The following KCNQ1 variants were observed in gnomAD, a reference collection of about 807,000 sequenced individuals.
KCNQ1 encodes potassium voltage-gated channel subfamily KQT member 1.
In KCNQ1, 49 loss-of-function variants were observed where a neutral mutation model predicts 72.4. The ratio of observed to expected loss-of-function variants is 0.68; its 90% CI spans 0.54 to 0.86. The LOEUF (loss-of-function observed/expected upper bound fraction) is 0.86. Ranked by LOEUF, KCNQ1 falls within the 40% of genes least tolerant of loss-of-function variation. KCNQ1 has a pLI of 0.00. For synonymous variants in KCNQ1, 450 were observed against 412.6 expected, an observed-to-expected ratio of 1.09 and a Z score of -1.10; for missense variants, 790 against 945.1, an observed-to-expected ratio of 0.84 and a Z score of 2.15.
rs1024914990 is a variant in KCNQ1, at chr11:2,484,474, A to T, written c.386+38990A>T. On this transcript the variant is annotated intron_variant, in intron 1 of 15. Coordinates refer to ENST00000155840, the MANE Select transcript of KCNQ1 (RefSeq NM_000218.3). The surrounding 1 kb of genome is among the most constrained non-coding windows in gnomAD (Gnocchi z 5.2). Reference sequence around the variant, plus strand: ...GCCACTGCACCCAGCCTCATTATTTATTTTCATTGCTCAAATTGTGCTGGC... The same window carrying T: ...GCCACTGCACCCAGCCTCATTATTTTTTTTCATTGCTCAAATTGTGCTGGC... 6.6e-6 allele frequency among the ~76,000 whole-genome samples: 1 copy of T among 152,006 alleles called. No individual in the cohort carries two copies. Among genetic ancestry groups the T allele is most frequent in the Non-Finnish European group, 1.5e-5 (1 of 67,996 alleles).
At chr11:2,571,659 C>T (rs1848336565) in intron 4 of KCNQ1, among the ~76,000 whole-genome samples, 1 of 152,138 alleles carries the variant, frequency 6.6e-6, no homozygotes, top group Non-Finnish European at 1.5e-5. Context: ...TCTGAACTTC[C>T]AGGACTTGGG....
intron 11 of KCNQ1, chr11:2,662,383 C>T: frequency 7.7e-6 from 4 of 518,992 alleles, no homozygotes; most frequent in Non-Finnish European, 1.4e-5. Context: ...CCCCAGCCCC[C>T]TCCCCTGCCC....
At position 2,657,793 on chromosome 11, in the gene KCNQ1, G is replaced by C. The variant is rs546027013; in HGVS notation, c.1394-4168G>C. 1.0e-5 allele frequency: 4 copies of C among 398,566 alleles called. No individual in the cohort carries two copies. In the South Asian group the frequency reaches 5.1e-4, roughly 51 times the overall value. The allele number at this position is 398,566 out of a possible 1,614,324, so 24.7% of individuals were successfully genotyped here. ...AACTTGACACTTTTGAAGAATACCA[G>C]TCAGGTGTCATTGTCCCTCAGTTTG... On this transcript the variant is annotated intron_variant, in intron 10 of 15. Transcript: ENST00000155840. This position sits in a 1 kb window ranked among gnomAD's most constrained non-coding sequence, Gnocchi z 4.8.
At position 2,645,909 on chromosome 11, in the gene KCNQ1, TCA is replaced by T. The variant is rs915627265; in HGVS notation, c.1394-16049_1394-16048del. ...TCTCTGGGAGCTGTTCATTGCCATT[TCA>T]CAGTCTGTAGGTAGCCTCTTGTTAG... On this transcript the variant is annotated intron_variant, in intron 10 of 15. Coordinates refer to ENST00000155840, the MANE Select transcript of KCNQ1 (RefSeq NM_000218.3). This position sits in a 1 kb window ranked among gnomAD's most constrained non-coding sequence, Gnocchi z 5.8. 8.5e-5 allele frequency: 34 copies of T among 398,520 alleles called. No individual in the cohort carries two copies. The highest frequency in any genetic ancestry group is 6.2e-4 in the African/African-American group (30 of 48,608). The allele number at this position is 398,520 out of a possible 1,614,324, so 24.7% of individuals were successfully genotyped here. A position where few individuals can be genotyped will look rare whatever the true frequency, so the allele number is the denominator to read the frequency against.
chr11:2,756,151 A>G (rs1285240404), intron 11 of KCNQ1, among the ~76,000 whole-genome samples: 3 of 152,138 alleles, frequency 2.0e-5, no homozygotes, highest in Admixed American at 2.0e-4. Context: ...ATACCTGTTG[A>G]CCCAGCAGTC....
At position 2,460,483 on chromosome 11, in the gene KCNQ1, TCCTCCCTC is replaced by T. The variant is rs527636669; in HGVS notation, c.386+15017_386+15024del. Among the ~76,000 whole-genome samples the T allele has an allele frequency of 1.5e-4, 23 of 150,488 alleles. No individual in the cohort carries two copies. In the East Asian group the frequency reaches 3.1e-3, roughly 20 times the overall value. ...CTCAAGGCCCTGGCCTCCACAGGCC[TCCTCCCTC>T]CCTCCCTCCCTCCCTCCTTCCCTTT... On this transcript the variant is annotated intron_variant, in intron 1 of 15. Transcript: ENST00000155840.
In KCNQ1 at chr11:2,781,895, G is replaced by C. The variant is rs1846829819; in HGVS notation, c.1794+3858G>C. 6.6e-6 allele frequency among the ~76,000 whole-genome samples: 1 copy of C among 152,090 alleles called. No homozygotes were observed. The highest frequency in any genetic ancestry group is 1.9e-4 in the East Asian group (1 of 5,180). ...CCCACCACCTGACACTCCTTTCACT[G>C]CCTCCGGTCGCAGAATCCAGGCCTC... On this transcript the variant is annotated intron_variant, in intron 15 of 15. Transcript: ENST00000155840. This position sits in a 1 kb window ranked among gnomAD's most constrained non-coding sequence, Gnocchi z 6.6.
rs543445776 is a variant in KCNQ1 at position 2,559,242 on chromosome 11, C to G, written c.478-11386C>G. ...GGGAAGCCCGTGGAGAGGATGCATT[C>G]GACACCCAAGGCCTTATGGAATCAG... On this transcript the variant is annotated intron_variant, in intron 2 of 15. Transcript: ENST00000155840. This position sits in a 1 kb window ranked among gnomAD's most constrained non-coding sequence, Gnocchi z 4.9. 6.6e-6 allele frequency among the ~76,000 whole-genome samples: 1 copy of G among 152,056 alleles called. No individual in the cohort carries two copies. Among genetic ancestry groups the G allele is most frequent in the Non-Finnish European group, 1.5e-5 (1 of 67,988 alleles).
At position 2,615,953 on chromosome 11, in the gene KCNQ1, G is replaced by A. The variant is rs1272135242; in HGVS notation, c.1393+27099G>A. 6 of 397,982 alleles carry A rather than the reference G, an allele frequency of 1.5e-5. No individual in the cohort carries two copies. In the Admixed American group the frequency reaches 1.8e-4, roughly 12 times the overall value. The allele number at this position is 397,982 out of a possible 1,614,324, so 24.7% of individuals were successfully genotyped here. On this transcript the variant is annotated intron_variant, in intron 10 of 15. Transcript: ENST00000155840. ...AGGGATTGGTGTGAATTCTTCAAGT[G>A]TTTGGTATAATTCAACAGTGACGCC...
rs1850297938 is a variant in KCNQ1, at chr11:2,676,532, G to A, written c.1514+14451G>A. ...CTTGGACTTGGCAAAAGGCATAGAGGTAGTGGTACAGGAAAGGTCTAAGAA... is the reference window on the plus strand; with the variant it reads ...CTTGGACTTGGCAAAAGGCATAGAGATAGTGGTACAGGAAAGGTCTAAGAA... On this transcript the variant is annotated intron_variant, in intron 11 of 15. Transcript: ENST00000155840. This position sits in a 1 kb window ranked among gnomAD's most constrained non-coding sequence, Gnocchi z 4.2. The A allele has an allele frequency of 2.5e-6, 1 of 398,656 alleles. No homozygotes were observed. The highest frequency in any genetic ancestry group is 4.4e-5 in the Admixed American group (1 of 22,734). 24.7% of individuals were successfully genotyped at this position (398,656 alleles called of 1,614,324 possible). A position where few individuals can be genotyped will look rare whatever the true frequency, so the allele number is the denominator to read the frequency against.
At chr11:2,821,151 C>T (rs747423294) in intron 15 of KCNQ1, among the ~76,000 whole-genome samples, 73 of 152,330 alleles carry the variant, frequency 4.8e-4, no homozygotes, top group Middle Eastern at 3.4e-3. Context: ...GTCAAGTGTT[C>T]GGTGGCCCCT....
At chr11:2,792,584 C>T (rs1009374935) in intron 15 of KCNQ1, among the ~76,000 whole-genome samples, 4 of 152,328 alleles carry the variant, frequency 2.6e-5, no homozygotes, top group African/African-American at 9.6e-5. Context: ...GGTGAGGGAG[C>T]GCATCCTATG....
At chr11:2,702,739 G>A (rs1243519715) in intron 11 of KCNQ1, among the ~76,000 whole-genome samples, 1 of 152,176 alleles carries the variant, frequency 6.6e-6, no homozygotes, top group African/African-American at 2.4e-5. Context: ...ACCTCACCTT[G>A]TGTGCTTGTG....
At chr11:2,794,111 T>C (rs1241387368) in intron 15 of KCNQ1, among the ~76,000 whole-genome samples, 2 of 152,122 alleles carry the variant, frequency 1.3e-5, no homozygotes, top group Non-Finnish European at 2.9e-5. Flanking sequence ...CAGGGGTGGC[T>C]CCGGCTTCGT....
At chr11:2,763,071 C>G (rs1043193875) in intron 11 of KCNQ1, among the ~76,000 whole-genome samples, 2 of 152,132 alleles carry the variant, frequency 1.3e-5, no homozygotes, top group Non-Finnish European at 2.9e-5. Context: ...AATAAATAAA[C>G]AAACAAACAA....
rs1284836786 is a variant in KCNQ1, at chr11:2,564,148, C to G, written c.478-6480C>G. Among the ~76,000 whole-genome samples, 1 of 152,234 alleles carries G rather than the reference C, an allele frequency of 6.6e-6. No individual in the cohort carries two copies. The highest frequency in any genetic ancestry group is 2.4e-5 in the African/African-American group (1 of 41,464). On this transcript the variant is annotated intron_variant, in intron 2 of 15. Coordinates refer to ENST00000155840, the MANE Select transcript of KCNQ1 (RefSeq NM_000218.3). The surrounding 1 kb of genome is among the most constrained non-coding windows in gnomAD (Gnocchi z 4.5). ...CATTTCAGCCATTTCAGCCATTTCACAGCGTGCAATTTGGTGGCATTTAGT... is the reference window on the plus strand; with the variant it reads ...CATTTCAGCCATTTCAGCCATTTCAGAGCGTGCAATTTGGTGGCATTTAGT...
intron 15 of KCNQ1, among the ~76,000 whole-genome samples, chr11:2,833,965 G>A (rs957330334): frequency 6.6e-6 from 1 of 152,228 alleles, no homozygotes; most frequent in Non-Finnish European, 1.5e-5. Flanking sequence ...CCCTTCCCAG[G>A]CTGTCAGCAG....
chr11:2,451,880 A>G lies in KCNQ1; in HGVS notation c.386+6396A>G, dbSNP rs1324414777. 2.0e-5 allele frequency among the ~76,000 whole-genome samples: 3 copies of G among 152,130 alleles called. No homozygotes were observed. Among genetic ancestry groups the G allele is most frequent in the Admixed American group, 6.5e-5 (1 of 15,270 alleles). The stretch of plus-strand genomic sequence containing the variant: ...CTCAGGACACCCAGAAGCCCTTAGG[A>G]TGCCCAGAAGCCCTTAGGATGCTGT... On this transcript the variant is annotated intron_variant, in intron 1 of 15. Coordinates refer to ENST00000155840, the MANE Select transcript of KCNQ1 (RefSeq NM_000218.3). This position sits in a 1 kb window ranked among gnomAD's most constrained non-coding sequence, Gnocchi z 6.4.
chr11:2,701,048 A>G (rs1850803085), intron 11 of KCNQ1, among the ~76,000 whole-genome samples: 1 of 152,056 alleles, frequency 6.6e-6, no homozygotes, highest in Admixed American at 6.6e-5. Context: ...TACAACCCCA[A>G]CCCAGGGTTG....
Sources: allele counts gnomAD v4.1 joint callset (sites outside exome capture counted in the v4.1 genomes callset), GRCh38; gene constraint gnomAD v4.1.1; non-coding constraint Gnocchi (gnomAD v3.1); transcripts MANE v1.5; gene names NCBI Gene and HGNC (gene_info 2026-07-23, HGNC 2026-07-21).